Variants in RRAGC observed in about 807,000 individuals in gnomAD.
The protein encoded by RRAGC is ras-related GTP-binding protein C.
RRAGC carries 8 observed loss-of-function variants against 37.1 expected under a neutral mutation model. That is an observed-to-expected ratio of 0.22 (90% CI 0.13 to 0.39). RRAGC has a LOEUF of 0.39. Among genes scored for constraint, RRAGC ranks in the 10% least tolerant of loss-of-function variants. The probability of loss-of-function intolerance (pLI) is 1.00; values close to 1 mark genes in which losing one functional copy is unlikely to be tolerated. For missense variants in RRAGC, 342 were observed against 497.6 expected, an observed-to-expected ratio of 0.69 and a Z score of 2.98; for synonymous variants, 190 against 181.1, an observed-to-expected ratio of 1.05 and a Z score of -0.39.
chr1:38,839,884 C>G (rs753007448), intron 6 of RRAGC, among the ~76,000 whole-genome samples, 180 bp from the exon 7 acceptor site: 3 of 151,720 alleles, frequency 2.0e-5, no homozygotes, highest in African/African-American at 7.3e-5. Context: ...CAGTGGCTCA[C>G]GCCTGTAACC....
chr1:38,857,589 C>A (rs1362565162), intron 1 of RRAGC, among the ~76,000 whole-genome samples: 3 of 152,182 alleles, frequency 2.0e-5, no homozygotes, highest in Admixed American at 1.3e-4. Context: ...GTGAAAACGT[C>A]CAGGGGGAGG....
At chr1:38,849,795 A>G (rs1642076160) in intron 5 of RRAGC, among the ~76,000 whole-genome samples, 2 of 152,242 alleles carry the variant, frequency 1.3e-5, no homozygotes, top group Admixed American at 1.3e-4. Flanking sequence ...TGAAATTTTG[A>G]TTTGTTTTAA....
rs181032472 is a variant in RRAGC, at chr1:38,852,357, A to G, written c.756+17T>C. 2,094 of 1,256,298 alleles carry G rather than the reference A, an allele frequency of 1.7e-3. 14 individuals carry two copies. The highest frequency in any genetic ancestry group is 1.3e-3 in the Non-Finnish European group (1,142 of 859,476). 77.8% of individuals were successfully genotyped at this position (1,256,298 alleles called of 1,614,324 possible). A position where few individuals can be genotyped will look rare whatever the true frequency, so the allele number is the denominator to read the frequency against. ...AATCAGAAGCTGCAGTGAATTAAAT[A>G]TAAATTGCTCACTTACTGATATAAA... On this transcript the variant is annotated intron_variant, in intron 4 of 6. Coordinates refer to ENST00000373001, the MANE Select transcript of RRAGC (RefSeq NM_022157.4).
At chr1:38,845,698 A>T (rs79746007) in intron 6 of RRAGC, among the ~76,000 whole-genome samples, 3,733 of 152,344 alleles carry the variant, frequency 0.025, 62 homozygotes, top group Non-Finnish European at 0.037. Context: ...TTAAACAGGT[A>T]ATGAAAGCAT....
chr1:38,843,110 G>A (rs1022929124), intron 6 of RRAGC, among the ~76,000 whole-genome samples: 1 of 152,080 alleles, frequency 6.6e-6, no homozygotes, highest in Non-Finnish European at 1.5e-5. Context: ...GAAGAGGACT[G>A]CTTGAGGCAA....
intron 1 of RRAGC, among the ~76,000 whole-genome samples, chr1:38,857,627 C>T (rs569972005): frequency 6.6e-6 from 1 of 152,304 alleles, no homozygotes; most frequent in Admixed American, 6.5e-5. Flanking sequence ...GAAAAGATAG[C>T]TCTCATGAGA....
intron 1 of RRAGC, 65 bp from the exon 2 acceptor site, chr1:38,857,147 C>A: frequency 7.6e-7 from 1 of 1,317,322 alleles, no homozygotes; most frequent in Non-Finnish European, 1.1e-6. Flanking sequence ...AAAATTCCAC[C>A]CTGGTTTAAC....
At chr1:38,848,819 TACAAAAAAGTAAAATTAAAAAA>T (rs1343459842) in intron 5 of RRAGC, among the ~76,000 whole-genome samples, 1 of 151,860 alleles carries the variant, frequency 6.6e-6, no homozygotes, top group East Asian at 1.9e-4. Context: ...ACCCTGTCTC[TACAAAAAAGTAAAATTAAAAAA>T]ACAAAAAAGG....
chr1:38,839,370 G>A lies in RRAGC; in HGVS notation c.*183C>T. The A allele has an allele frequency of 2.4e-6, 1 of 414,578 alleles. No homozygotes were observed. The highest frequency in any genetic ancestry group is 4.2e-6 in the Non-Finnish European group (1 of 239,554). The allele number at this position is 414,578 out of a possible 1,614,324, so 25.7% of individuals were successfully genotyped here. A position where few individuals can be genotyped will look rare whatever the true frequency, so the allele number is the denominator to read the frequency against. On this transcript the variant is annotated 3_prime_UTR_variant, in exon 7 of 7. Coordinates refer to ENST00000373001, the MANE Select transcript of RRAGC (RefSeq NM_022157.4). ...TTTTGCCATTTTCAAAAAAGATATA[G>A]TAGCTTCAGTTGTACACCACCAGTT...
At chr1:38,855,376 G>A (rs1164284750) in intron 3 of RRAGC, among the ~76,000 whole-genome samples, 1 of 152,188 alleles carries the variant, frequency 6.6e-6, no homozygotes, top group African/African-American at 2.4e-5. Flanking sequence ...ACTGATGCAA[G>A]GCGGGGAAAA....
rs917463372 is a variant in RRAGC, at chr1:38,859,708, C to A, written c.-62G>T. The A allele has an allele frequency of 3.3e-5, 42 of 1,258,478 alleles. No individual in the cohort carries two copies. In the African/African-American group the frequency reaches 4.8e-4, roughly 14 times the overall value. 78.0% of individuals were successfully genotyped at this position (1,258,478 alleles called of 1,614,324 possible). On this transcript the variant is annotated 5_prime_UTR_variant, in exon 1 of 7. Coordinates refer to ENST00000373001, the MANE Select transcript of RRAGC (RefSeq NM_022157.4). Reference sequence around the variant, plus strand: ...CAGGCCAGGCCGAGCCAGGCCGCCGCCTCCCCAGTCCGCCTCCGCCGCCGC... The same window carrying A: ...CAGGCCAGGCCGAGCCAGGCCGCCGACTCCCCAGTCCGCCTCCGCCGCCGC...
At chr1:38,846,733 G>A (rs979330212) in intron 5 of RRAGC, 4 of 152,042 alleles carry the variant, frequency 2.6e-5, no homozygotes, top group Non-Finnish European at 5.9e-5. Flanking sequence ...CTATTGTTAC[G>A]AATTAAGAGT....
In RRAGC at chr1:38,855,917, A is replaced by G. The variant is rs922399578; in HGVS notation, c.442-10T>C. ...CCTCCATGTAGTCATCCTGTAAGTC[A>G]GAACAAAATATTTTTTAAAATAAAT... is the stretch of plus-strand genomic sequence containing the variant. On this transcript the variant is annotated splice_polypyrimidine_tract_variant and intron_variant, in intron 2 of 6. Coordinates refer to ENST00000373001, the MANE Select transcript of RRAGC (RefSeq NM_022157.4). The G allele has an allele frequency of 6.3e-7, 1 of 1,590,056 alleles. No homozygotes were observed. Among genetic ancestry groups the G allele is most frequent in the Non-Finnish European group, 8.6e-7 (1 of 1,164,686 alleles).
At chr1:38,859,182 G>C (rs1017577225) in intron 1 of RRAGC, among the ~76,000 whole-genome samples, 3 of 152,254 alleles carry the variant, frequency 2.0e-5, no homozygotes, top group Non-Finnish European at 4.4e-5. Flanking sequence ...CCTGCCTCCC[G>C]GCAACCAGTT....
Position 38,856,923 on chromosome 1 carries a change from T to C in RRAGC, c.397A>G (p.Ile133Val). Reference sequence around the variant, plus strand: ...ATCAATGCTCCTGTTCCCCTGAAGATCATCTCATAGTCAAAGGTTGGGTCA... The same window carrying C: ...ATCAATGCTCCTGTTCCCCTGAAGACCATCTCATAGTCAAAGGTTGGGTCA... ...FFDPTFDYEM[I>V]FRGTGALIYV... is the part of the protein sequence containing the mutation. Residue 133 changes from isoleucine to valine, a missense_variant, in exon 2 of 7, where the codon ATC becomes GTC. Physicochemically the swap from Ile to Val is conservative, Grantham distance 29 (BLOSUM62 3). Coordinates refer to ENST00000373001, the MANE Select transcript of RRAGC (RefSeq NM_022157.4). 1 of 1,614,164 alleles carries C rather than the reference T, an allele frequency of 6.2e-7. No individual in the cohort carries two copies. The highest frequency in any genetic ancestry group is 8.5e-7 in the Non-Finnish European group (1 of 1,180,022).
rs911679750 is a variant in RRAGC, at chr1:38,838,963, T to G, written c.*590A>C. The G allele has an allele frequency of 6.6e-6, 1 of 152,256 alleles. No homozygotes were observed. Among genetic ancestry groups the G allele is most frequent in the Admixed American group, 6.5e-5 (1 of 15,292 alleles). 9.4% of individuals were successfully genotyped at this position (152,256 alleles called of 1,614,324 possible). A position where few individuals can be genotyped will look rare whatever the true frequency, so the allele number is the denominator to read the frequency against. ...ATGCAACCACCGTTGAGCCTTGCTC[T>G]CCACCTGATGCAGCATAAAATTTTC... On this transcript the variant is annotated 3_prime_UTR_variant, in exon 7 of 7. Coordinates refer to ENST00000373001, the MANE Select transcript of RRAGC (RefSeq NM_022157.4).
At chr1:38,855,144 TAG>T (rs1436703295) in intron 3 of RRAGC, among the ~76,000 whole-genome samples, 4 of 152,172 alleles carry the variant, frequency 2.6e-5, no homozygotes, top group South Asian at 2.1e-4. Flanking sequence ...CCAAACTTTA[TAG>T]AGTTTCATAA....
intron 6 of RRAGC, among the ~76,000 whole-genome samples, chr1:38,843,545 C>T (rs2124216336): frequency 1.3e-5 from 2 of 151,970 alleles, no homozygotes; most frequent in African/African-American, 4.8e-5. Context: ...GCAGTGAAAC[C>T]CCGCCTCTAC....
At chr1:38,855,977 ACCACCTCTTT>A (rs1422494495) in intron 2 of RRAGC, 70 bp from the exon 3 acceptor site, 1 of 1,062,718 alleles carries the variant, frequency 9.4e-7, no homozygotes, top group Non-Finnish European at 1.4e-6. Flanking sequence ...AAAGCCTCAA[ACCACCTCTTT>A]CCCCAACCAC....
Sources: allele counts gnomAD v4.1 joint callset (sites outside exome capture counted in the v4.1 genomes callset), GRCh38; gene constraint gnomAD v4.1.1; transcripts MANE v1.5; gene names NCBI Gene and HGNC (gene_info 2026-07-23, HGNC 2026-07-21).